VRK2: variants seen among roughly 807,000 people sequenced by gnomAD.
VRK2 encodes the protein serine/threonine-protein kinase VRK2.
A neutral mutation model predicts 57.6 loss-of-function variants in VRK2; 60 were observed. That is an observed-to-expected ratio of 1.04 (90% CI 0.85 to 1.29). The LOEUF (loss-of-function observed/expected upper bound fraction) is 1.29, where lower values mean the gene tolerates loss of function less well. Ranked by LOEUF, VRK2 falls within the 50% of genes most tolerant of loss-of-function variation. VRK2 has a pLI of 0.00. For synonymous variants in VRK2, 231 were observed against 199.2 expected (o/e 1.16, Z -1.35); for missense variants, 705 against 588.1 (o/e 1.20, Z -2.06).
At chr2:57,947,756 G>C (rs985495556) in intron 1 of VRK2, among the ~76,000 whole-genome samples, 1 of 152,106 alleles carries the variant, frequency 6.6e-6, no homozygotes, top group African/African-American at 2.4e-5. Flanking sequence ...CTGTATGTTG[G>C]TAGTCTAACA....
chr2:58,004,196 CACAA>C (rs1673174738), intron 1 of VRK2, among the ~76,000 whole-genome samples: 1 of 152,072 alleles, frequency 6.6e-6, no homozygotes, highest in Non-Finnish European at 1.5e-5. Flanking sequence ...AGCACACACA[CACAA>C]ACACACACAT....
intron 7 of VRK2, among the ~76,000 whole-genome samples, chr2:58,091,925 C>A (rs1672442078): frequency 6.6e-6 from 1 of 151,990 alleles, no homozygotes; most frequent in South Asian, 2.1e-4. Context: ...GATAAAGGTA[C>A]CAGCACTTTT....
rs1225087509 is a variant in VRK2 at position 58,027,238 on chromosome 2, G to GA, written c.-333+1469dup. 5.3e-5 allele frequency among the ~76,000 whole-genome samples: 8 copies of GA among 151,962 alleles called. No individual in the cohort carries two copies. In the South Asian group the frequency reaches 1.5e-3, roughly 28 times the overall value. ...AGATTACCCAGTGACTCAGCAAAAT[G>GA]AGAAAAAATCTCACTGGAGTCCAGT... On this transcript the variant is annotated intron_variant, in intron 2 of 15. Transcript: ENST00000417641.
chr2:57,925,880 T>A (rs1670515060), intron 1 of VRK2, among the ~76,000 whole-genome samples: 1 of 151,994 alleles, frequency 6.6e-6, no homozygotes, highest in Admixed American at 6.6e-5. Flanking sequence ...TAAACTTTCC[T>A]CTTAGCGCTG....
chr2:58,021,153 G>A (rs72810306), intron 1 of VRK2, among the ~76,000 whole-genome samples: 12,438 of 152,048 alleles, frequency 0.082, 557 homozygotes, highest in East Asian at 0.11. Flanking sequence ...CTTTTTGTGG[G>A]AAAAAATCAC....
chr2:58,127,431 A>T (rs1388119951), intron 8 of VRK2, among the ~76,000 whole-genome samples: 4 of 152,172 alleles, frequency 2.6e-5, no homozygotes, highest in Admixed American at 2.6e-4. Context: ...ACTAGGGCTT[A>T]ATTTAAAAGG....
chr2:57,910,078 CCCATACTACTTAAAA>C (rs997063551), intron 1 of VRK2, among the ~76,000 whole-genome samples: 1 of 151,494 alleles, frequency 6.6e-6, no homozygotes, highest in Non-Finnish European at 1.5e-5. Flanking sequence ...GTAAAATAAA[CCCATACTACTTAAAA>C]CCATGAATGA....
chr2:58,151,405 G>A (rs886403434), intron 12 of VRK2, among the ~76,000 whole-genome samples: 3 of 151,774 alleles, frequency 2.0e-5, no homozygotes, highest in Non-Finnish European at 4.4e-5. Context: ...GCCTTCCTAT[G>A]ATTAACATTT....
chr2:58,084,240 A>G, intron 3 of VRK2, 102 bp downstream of exon 3: 1 of 1,199,734 alleles, frequency 8.3e-7, no homozygotes, highest in Non-Finnish European at 1.2e-6. Context: ...TTGCCTTATC[A>G]GTAAACCTAA....
chr2:57,933,309 C>CTTTTTTTT lies in VRK2; in HGVS notation c.-439+25485_-439+25492dup, dbSNP rs71394403. Among the ~76,000 whole-genome samples, 268 of 63,300 alleles carry CTTTTTTTT rather than the reference C, an allele frequency of 4.2e-3. 22 individuals are homozygous for CTTTTTTTT. Among genetic ancestry groups the CTTTTTTTT allele is most frequent in the African/African-American group, 7.7e-3 (101 of 13,080 alleles). The allele number at this position is 63,300 out of a possible 152,430, so 41.5% of individuals were successfully genotyped here. A position where few individuals can be genotyped will look rare whatever the true frequency, so the allele number is the denominator to read the frequency against. On this transcript the variant is annotated intron_variant, in intron 1 of 15. Coordinates refer to the VRK2 transcript ENST00000417641. Reference sequence around the variant, plus strand: ...TGCTATTTCTTATTTCTTTCTTTTTCTTTTTTTTTTTTTTTTTTTTTTGAG... The same window carrying CTTTTTTTT: ...TGCTATTTCTTATTTCTTTCTTTTTCTTTTTTTTTTTTTTTTTTTTTTTTTTTTTTGAG...
intron 7 of VRK2, 59 bp from the exon 8 acceptor site, chr2:58,123,042 T>TAA (rs748016441): frequency 4.5e-6 from 7 of 1,541,622 alleles, no homozygotes; most frequent in Non-Finnish European, 6.1e-6. Context: ...GACTTAATTA[T>TAA]AAAGGTTATG....
chr2:58,117,170 A>C (rs1029753048), intron 7 of VRK2, among the ~76,000 whole-genome samples: 5 of 152,156 alleles, frequency 3.3e-5, no homozygotes, highest in African/African-American at 4.8e-5. Flanking sequence ...GCTGTAAAGC[A>C]TCTCAGGGTT....
intron 2 of VRK2, among the ~76,000 whole-genome samples, chr2:58,032,018 T>C (rs1674125589): frequency 6.6e-6 from 1 of 152,124 alleles, no homozygotes; most frequent in African/African-American, 2.4e-5. Flanking sequence ...CTGTCTTCTC[T>C]TTCTGTCTTC....
chr2:57,995,258 A>G (rs536592858), intron 1 of VRK2, among the ~76,000 whole-genome samples: 1 of 152,332 alleles, frequency 6.6e-6, no homozygotes, highest in South Asian at 2.1e-4. Context: ...CGTTTGGAAA[A>G]TAATGGCTCA....
intron 12 of VRK2, among the ~76,000 whole-genome samples, chr2:58,151,731 GTTTTTTTT>G (rs60379025): frequency 4.8e-4 from 8 of 16,714 alleles, no homozygotes; most frequent in Non-Finnish European, 6.0e-4. Context: ...TTCTATGCTT[GTTTTTTTT>G]TTTTTTTTTT....
chr2:58,143,272 A>G (rs1447380890), intron 11 of VRK2, among the ~76,000 whole-genome samples: 3 of 151,948 alleles, frequency 2.0e-5, no homozygotes, highest in Non-Finnish European at 4.4e-5. Context: ...CCAATGGAAA[A>G]TTAAATAAAA....
At chr2:57,910,168 A>T (rs1347223498) in intron 1 of VRK2, among the ~76,000 whole-genome samples, 1 of 152,000 alleles carries the variant, frequency 6.6e-6, no homozygotes, top group Non-Finnish European at 1.5e-5. Flanking sequence ...TTTCTACAAA[A>T]CACGTAGCTA....
intron 1 of VRK2, among the ~76,000 whole-genome samples, chr2:57,994,981 A>C (rs1197605661): frequency 6.6e-6 from 1 of 152,198 alleles, no homozygotes; most frequent in Non-Finnish European, 1.5e-5. Flanking sequence ...CTGTGATTAA[A>C]AATATCAAGA....
chr2:57,976,387 G>A (rs1368511148), intron 1 of VRK2, among the ~76,000 whole-genome samples: 2 of 152,120 alleles, frequency 1.3e-5, no homozygotes, highest in African/African-American at 4.8e-5. Context: ...CAGAGTATAA[G>A]TATTCCCTTT....
Sources: allele counts gnomAD v4.1 joint callset (sites outside exome capture counted in the v4.1 genomes callset), GRCh38; gene constraint gnomAD v4.1.1; transcripts MANE v1.5; gene names NCBI Gene and HGNC (gene_info 2026-07-23, HGNC 2026-07-21).